RBFOX3: variants seen among roughly 807,000 people sequenced by gnomAD.
The protein encoded by RBFOX3 is RNA binding protein fox-1 homolog 3.
RBFOX3 carries 17 observed loss-of-function variants against 48.7 expected under a neutral mutation model. The observed-to-expected ratio is 0.35, with a 90% confidence interval of 0.24 to 0.52. The LOEUF (loss-of-function observed/expected upper bound fraction) is 0.52, where lower values mean the gene tolerates loss of function less well. RBFOX3 is among the 20% of genes least tolerant of loss of function. RBFOX3 has a pLI of 0.94. For synonymous variants in RBFOX3, 212 were observed against 209.5 expected, an observed-to-expected ratio of 1.01 and a Z score of -0.10; for missense variants, 382 against 497.5, an observed-to-expected ratio of 0.77 and a Z score of 2.21.
At chr17:79,407,970 G>T (rs2063767329) in intron 2 of RBFOX3, among the ~76,000 whole-genome samples, 1 of 152,230 alleles carries the variant, frequency 6.6e-6, no homozygotes, top group South Asian at 2.1e-4. Flanking sequence ...CCAAGGAGCT[G>T]TGTCGAGCAC....
Position 79,418,718 on chromosome 17 carries a change from C to T in RBFOX3, c.-175+63736G>A, listed in dbSNP as rs2065778603. Among the ~76,000 whole-genome samples, 2 of 152,082 alleles carry T rather than the reference C, an allele frequency of 1.3e-5. No homozygotes were observed. Among genetic ancestry groups the T allele is most frequent in the Admixed American group, 1.3e-4 (2 of 15,272 alleles). ...CATCCCCCAAGTCTGGGTGGCAAATCCACTCTCCTTAGACTTGCTGCTTGA... is the reference window on the plus strand; with the variant it reads ...CATCCCCCAAGTCTGGGTGGCAAATTCACTCTCCTTAGACTTGCTGCTTGA... On this transcript the variant is annotated intron_variant, in intron 2 of 14. Transcript: ENST00000693108. This position sits in a 1 kb window ranked among gnomAD's most constrained non-coding sequence, Gnocchi z 5.0.
rs751195178 is a variant in RBFOX3, at chr17:79,144,637, C to T, written c.-33-28889G>A. Among the ~76,000 whole-genome samples, 149 of 152,206 alleles carry T rather than the reference C, an allele frequency of 9.8e-4. 1 individual carries two copies. Among genetic ancestry groups the T allele is most frequent in the Non-Finnish European group, 7.1e-4 (48 of 68,018 alleles). On this transcript the variant is annotated intron_variant, in intron 4 of 14. Coordinates refer to ENST00000693108, the MANE Select transcript of RBFOX3 (RefSeq NM_001350451.2). ...GCCACAGGAGGAGGAAGAAGCACCC[C>T]TCTCCCGGCCCTGGGACCACGGTTC...
intron 4 of RBFOX3, among the ~76,000 whole-genome samples, chr17:79,177,717 C>T (rs530157063): frequency 4.4e-4 from 67 of 152,284 alleles, no homozygotes; most frequent in Admixed American, 1.8e-3. Flanking sequence ...GGGCAGGGGT[C>T]GGGGAGATTT....
chr17:79,240,846 A>G (rs941169917), intron 3 of RBFOX3, among the ~76,000 whole-genome samples: 3 of 151,882 alleles, frequency 2.0e-5, no homozygotes, highest in Non-Finnish European at 1.5e-5. Context: ...TTGTATTTTT[A>G]GTAGAGATGG....
At chr17:79,339,178 C>T (rs2081649843) in intron 2 of RBFOX3, among the ~76,000 whole-genome samples, 1 of 152,090 alleles carries the variant, frequency 6.6e-6, no homozygotes, top group Admixed American at 6.5e-5. Flanking sequence ...CCTCAGCCTC[C>T]TGAGTGGCTG....
At chr17:79,572,058 C>G (rs997002808) in intron 1 of RBFOX3, among the ~76,000 whole-genome samples, 1 of 152,152 alleles carries the variant, frequency 6.6e-6, no homozygotes, top group African/African-American at 2.4e-5. Flanking sequence ...TCCCGAGAGG[C>G]GGGTGTTATT....
intron 4 of RBFOX3, among the ~76,000 whole-genome samples, chr17:79,120,514 G>A (rs1470431148): frequency 5.3e-5 from 8 of 151,514 alleles, no homozygotes; most frequent in Admixed American, 3.9e-4. Flanking sequence ...TGAATGAGAG[G>A]GCAGATGGAT....
intron 3 of RBFOX3, among the ~76,000 whole-genome samples, chr17:79,251,332 C>T (rs375089593): frequency 2.0e-5 from 3 of 152,170 alleles, no homozygotes; most frequent in Non-Finnish European, 4.4e-5. Flanking sequence ...AGAGAACAGA[C>T]GAGGGCCTCT....
At chr17:79,257,501 A>G (rs2065070584) in intron 3 of RBFOX3, among the ~76,000 whole-genome samples, 1 of 152,200 alleles carries the variant, frequency 6.6e-6, no homozygotes, top group Admixed American at 6.5e-5. Flanking sequence ...GAAGCTGCTC[A>G]CCTACCAGGG....
intron 3 of RBFOX3, among the ~76,000 whole-genome samples, chr17:79,283,465 C>T (rs1360142490): frequency 2.0e-5 from 3 of 152,164 alleles, no homozygotes; most frequent in Non-Finnish European, 2.9e-5. Flanking sequence ...GATGAGGTTT[C>T]ACCATGTTGG....
At chr17:79,091,700 T>A (rs8073225) in intron 14 of RBFOX3, among the ~76,000 whole-genome samples, 2 of 152,028 alleles carry the variant, frequency 1.3e-5, no homozygotes, top group Non-Finnish European at 2.9e-5. Flanking sequence ...CCTTCCGGAA[T>A]ATACCCCAAT....
intron 4 of RBFOX3, among the ~76,000 whole-genome samples, chr17:79,169,704 C>T (rs796067692): frequency 4.0e-4 from 61 of 152,336 alleles, no homozygotes; most frequent in African/African-American, 1.3e-3. Flanking sequence ...GGCTGGGAGG[C>T]TGCCAGAGGC....
intron 4 of RBFOX3, among the ~76,000 whole-genome samples, chr17:79,149,900 T>A: frequency 6.9e-6 from 1 of 144,104 alleles, no homozygotes; most frequent in African/African-American, 2.6e-5. Context: ...GGGACAGGTG[T>A]TATAATAAGC....
At chr17:79,123,375 G>A (rs1043444155) in intron 4 of RBFOX3, among the ~76,000 whole-genome samples, 5 of 152,024 alleles carry the variant, frequency 3.3e-5, no homozygotes, top group South Asian at 4.2e-4. Flanking sequence ...TAAGAAAAAC[G>A]AAAACCCTGC....
intron 4 of RBFOX3, among the ~76,000 whole-genome samples, chr17:79,196,343 C>T (rs754585075): frequency 1.4e-4 from 21 of 152,148 alleles, no homozygotes; most frequent in Non-Finnish European, 2.8e-4. Context: ...ACCCGGAGTC[C>T]AGCCCATCTC....
At position 79,423,799 on chromosome 17, in the gene RBFOX3, C is replaced by T. The variant is rs780356089; in HGVS notation, c.-175+58655G>A. 2 of 153,840 alleles carry T rather than the reference C, an allele frequency of 1.3e-5. No individual in the cohort carries two copies. The highest frequency in any genetic ancestry group is 2.9e-5 in the Non-Finnish European group (2 of 68,136). 9.5% of individuals were successfully genotyped at this position (153,840 alleles called of 1,614,324 possible). ...ATCCCCTTGCAACTTCTCCATCGTC[C>T]ACGAGGCTCTTGGTGACCCCATCCC... On this transcript the variant is annotated intron_variant, in intron 2 of 14. Transcript: ENST00000693108. This position sits in a 1 kb window ranked among gnomAD's most constrained non-coding sequence, Gnocchi z 4.9.
At chr17:79,495,122 C>CCCATCCTGT (rs2081248037) in intron 1 of RBFOX3, among the ~76,000 whole-genome samples, 1 of 151,886 alleles carries the variant, frequency 6.6e-6, no homozygotes, top group Non-Finnish European at 1.5e-5. Flanking sequence ...CTCCTCACAG[C>CCCATCCTGT]CCATCCTGTT....
In RBFOX3 at chr17:79,479,680, G is replaced by A. The variant is rs1159057981; in HGVS notation, c.-175+2774C>T. On this transcript the variant is annotated intron_variant, in intron 2 of 14. Transcript: ENST00000693108. The surrounding 1 kb of genome is among the most constrained non-coding windows in gnomAD (Gnocchi z 5.1). Reference sequence around the variant, plus strand: ...GCTCCCTCGGGGGTGGGCTGGTCTTGTACTTTCACTGTTGATGACCCCGAG... The same window carrying A: ...GCTCCCTCGGGGGTGGGCTGGTCTTATACTTTCACTGTTGATGACCCCGAG... 6.6e-6 allele frequency among the ~76,000 whole-genome samples: 1 copy of A among 152,206 alleles called. No homozygotes were observed. The highest frequency in any genetic ancestry group is 2.4e-5 in the African/African-American group (1 of 41,458).
At chr17:79,174,943 T>C (rs1256478906) in intron 4 of RBFOX3, among the ~76,000 whole-genome samples, 2 of 152,136 alleles carry the variant, frequency 1.3e-5, no homozygotes, top group East Asian at 1.9e-4. Flanking sequence ...CCTGGAACGG[T>C]TCCTCCTTCC....
Sources: allele counts gnomAD v4.1 joint callset (sites outside exome capture counted in the v4.1 genomes callset), GRCh38; gene constraint gnomAD v4.1.1; non-coding constraint Gnocchi (gnomAD v3.1); transcripts MANE v1.5; gene names NCBI Gene and HGNC (gene_info 2026-07-23, HGNC 2026-07-21).